The following NXPE4 variants were observed in gnomAD, a reference collection of about 807,000 sequenced individuals.
The protein encoded by NXPE4 is NXPE family member 4.
NXPE4 carries 42 observed loss-of-function variants against 33.3 expected under a neutral mutation model. The ratio of observed to expected loss-of-function variants is 1.26; its 90% confidence interval spans 0.98 to 1.63. The LOEUF (loss-of-function observed/expected upper bound fraction) is 1.63, where lower values mean the gene tolerates loss of function less well. Among genes scored for constraint, NXPE4 ranks in the 40% most tolerant of loss-of-function variants. The pLI is 0.00. For missense variants in NXPE4, 709 were observed against 647.6 expected, an observed-to-expected ratio of 1.09 and a Z score of -1.03; for synonymous variants, 253 against 234.9, an observed-to-expected ratio of 1.08 and a Z score of -0.71.
At chr11:114,591,789 C>T (rs1235135669) in intron 2 of NXPE4, among the ~76,000 whole-genome samples, 1 of 152,140 alleles carries the variant, frequency 6.6e-6, no homozygotes, top group East Asian at 1.9e-4. Flanking sequence ...AAGTAGTGGC[C>T]TACAAATCTG....
chr11:114,662,191 A>G, the NXPE4 span, among the ~76,000 whole-genome samples: 2 of 151,942 alleles, frequency 1.3e-5, no homozygotes, highest in African/African-American at 4.8e-5. Flanking sequence ...AACCCCCAGC[A>G]TTGGTGACAT....
At chr11:114,663,637 C>CTATCTATCTATCATCTATCTATCATCT in the NXPE4 span, among the ~76,000 whole-genome samples, 224 of 138,854 alleles carry the variant, frequency 1.6e-3, no homozygotes, top group East Asian at 3.0e-3. Context: ...ATCTATCTAT[C>CTATCTATCTATCATCTATCTATCATCT]ATCTATCCAT....
Position 114,571,037 on chromosome 11 carries a change from A to C in NXPE4, c.1536T>G (p.Asp512Glu). ...IFQDLSVSIIDAWDITIAYGT... is the reference protein window; with the variant it reads ...IFQDLSVSIIEAWDITIAYGT... ...CATATGCAATTGTTATATCCCAGGC[A>C]TCAATGATACTCACACTGAGATCCT... Residue 512 changes from aspartate to glutamate, a missense_variant, in exon 6 of 6, where the codon GAT becomes GAG. Physicochemically the swap from Asp to Glu is conservative, Grantham distance 45 (BLOSUM62 2). Transcript: ENST00000375478. 1 of 1,613,574 alleles carries C rather than the reference A, an allele frequency of 6.2e-7. No individual in the cohort carries two copies. Among genetic ancestry groups the C allele is most frequent in the Non-Finnish European group, 8.5e-7 (1 of 1,179,510 alleles).
the NXPE4 span, among the ~76,000 whole-genome samples, chr11:114,669,932 A>G: frequency 6.6e-6 from 1 of 152,000 alleles, no homozygotes; most frequent in Non-Finnish European, 1.5e-5. Context: ...AATTCAAAAC[A>G]TTGCAACCTC....
At chr11:114,673,896 A>G in the NXPE4 span, among the ~76,000 whole-genome samples, 1 of 151,780 alleles carries the variant, frequency 6.6e-6, no homozygotes, top group Non-Finnish European at 1.5e-5. Context: ...CAGGATACAC[A>G]TCTCTCCTAC....
chr11:114,581,075 A>G (rs1314161235), intron 4 of NXPE4, among the ~76,000 whole-genome samples: 3 of 152,214 alleles, frequency 2.0e-5, no homozygotes, highest in South Asian at 4.1e-4. Flanking sequence ...ACTTCAGTGT[A>G]AATAGGTTTA....
chr11:114,580,825 T>A (rs1949127883), intron 4 of NXPE4, among the ~76,000 whole-genome samples: 1 of 152,196 alleles, frequency 6.6e-6, no homozygotes. Flanking sequence ...TCCAAATGAA[T>A]ATAGCTATAG....
intron 5 of NXPE4, among the ~76,000 whole-genome samples, chr11:114,576,129 G>C (rs529671415): frequency 6.6e-6 from 1 of 152,202 alleles, no homozygotes; most frequent in African/African-American, 2.4e-5. Context: ...AAATGGTGCT[G>C]GGATAATTGG....
chr11:114,620,833 A>C, the NXPE4 span, among the ~76,000 whole-genome samples: 1 of 151,994 alleles, frequency 6.6e-6, no homozygotes, highest in Non-Finnish European at 1.5e-5. Context: ...TGTGTCTAAT[A>C]AGTGTTGCCT....
chr11:114,604,907 A>G, the NXPE4 span, among the ~76,000 whole-genome samples: 2 of 152,064 alleles, frequency 1.3e-5, no homozygotes, highest in East Asian at 3.9e-4. Flanking sequence ...TACCCGGTGG[A>G]TAATTAGTGT....
chr11:114,633,714 G>A, the NXPE4 span, among the ~76,000 whole-genome samples: 6 of 151,492 alleles, frequency 4.0e-5, no homozygotes, highest in South Asian at 2.1e-4. Flanking sequence ...AACATGTGGC[G>A]TTTGGTTTTT....
chr11:114,633,378 GTATTA>G, the NXPE4 span, among the ~76,000 whole-genome samples: 164 of 140,486 alleles, frequency 1.2e-3, 1 homozygote, highest in Admixed American at 4.3e-3. Context: ...AATATATTAT[GTATTA>G]TATTATATAT....
the NXPE4 span, among the ~76,000 whole-genome samples, chr11:114,608,682 C>T: frequency 4.5e-3 from 685 of 152,016 alleles, 6 homozygotes; most frequent in Non-Finnish European, 6.8e-3. Context: ...TAAGCATTGC[C>T]TCCCAGGTAA....
At chr11:114,620,153 A>C in the NXPE4 span, among the ~76,000 whole-genome samples, 1 of 150,164 alleles carries the variant, frequency 6.7e-6, no homozygotes, top group Non-Finnish European at 1.5e-5. Flanking sequence ...GTTAACTGGT[A>C]GATGATAAAT....
the NXPE4 span, among the ~76,000 whole-genome samples, chr11:114,660,853 A>C: frequency 6.6e-6 from 1 of 152,154 alleles, no homozygotes; most frequent in Non-Finnish European, 1.5e-5. Context: ...ATTCCAAAGA[A>C]TCTACATAAA....
chr11:114,609,946 G>A, the NXPE4 span, among the ~76,000 whole-genome samples: 6 of 151,372 alleles, frequency 4.0e-5, no homozygotes, highest in Non-Finnish European at 7.4e-5. Flanking sequence ...TGCCTCGTGG[G>A]TAACCACTGT....
chr11:114,631,094 A>G, the NXPE4 span, among the ~76,000 whole-genome samples: 1 of 152,000 alleles, frequency 6.6e-6, no homozygotes, highest in African/African-American at 2.4e-5. Flanking sequence ...AACTAGTTCA[A>G]TCATTGTGGA....
chr11:114,662,072 C>T, the NXPE4 span, among the ~76,000 whole-genome samples: 2 of 152,158 alleles, frequency 1.3e-5, no homozygotes, highest in African/African-American at 4.8e-5. Context: ...AAAAGAAGCA[C>T]TTTTATAAGA....
At chr11:114,573,846 C>T (rs746283518) in intron 5 of NXPE4, among the ~76,000 whole-genome samples, 7 of 151,848 alleles carry the variant, frequency 4.6e-5, no homozygotes, top group Non-Finnish European at 1.0e-4. Context: ...TAAACTATAC[C>T]CTAAAACAAA....
Sources: gnomAD v4.1 joint callset for allele counts (sites outside exome capture counted in the v4.1 genomes callset) on GRCh38, gnomAD v4.1.1 for gene constraint, MANE v1.5 for transcripts, NCBI Gene and HGNC (gene_info 2026-07-23, HGNC 2026-07-21) for gene names.